MAPKAP1: variants seen among roughly 807,000 people sequenced by gnomAD.
The protein encoded by MAPKAP1 is target of rapamycin complex 2 subunit MAPKAP1.
A neutral mutation model predicts 65.7 loss-of-function variants in MAPKAP1; 20 were observed. The ratio of observed to expected loss-of-function variants is 0.30; its 90% confidence interval spans 0.21 to 0.44. The LOEUF is 0.44. Ranked by LOEUF, MAPKAP1 falls within the 20% of genes least tolerant of loss-of-function variation. The pLI, the probability that MAPKAP1 is intolerant of heterozygous loss-of-function variation, is 1.00. For missense variants in MAPKAP1, 423 were observed against 648.0 expected (o/e 0.65, Z 3.77); for synonymous variants, 222 against 244.3 (o/e 0.91, Z 0.85).
At chr9:125,493,895 C>G (rs569586575) in intron 8 of MAPKAP1, among the ~76,000 whole-genome samples, 1 of 152,242 alleles carries the variant, frequency 6.6e-6, no homozygotes, top group Non-Finnish European at 1.5e-5. Context: ...GAGCTAGGAA[C>G]TGAACCCAGG....
At chr9:125,636,422 T>C (rs367988201) in intron 4 of MAPKAP1, among the ~76,000 whole-genome samples, 64 of 152,172 alleles carry the variant, frequency 4.2e-4, no homozygotes, top group African/African-American at 1.4e-3. Flanking sequence ...CAAGATACAA[T>C]AGAGACAAAT....
intron 1 of MAPKAP1, among the ~76,000 whole-genome samples, chr9:125,698,296 T>TATATATATATATAAA (rs1564622385): frequency 3.9e-3 from 39 of 10,062 alleles, no homozygotes; most frequent in African/African-American, 0.016. Flanking sequence ...TAAATATATA[T>TATATATATATATAAA]ATATATATAT....
At chr9:125,652,841 C>T (rs1833930821) in intron 4 of MAPKAP1, among the ~76,000 whole-genome samples, 1 of 152,158 alleles carries the variant, frequency 6.6e-6, no homozygotes, top group South Asian at 2.1e-4. Flanking sequence ...CACTGGACTC[C>T]CTGAACTTCA....
chr9:125,664,451 G>A (rs941173569), intron 3 of MAPKAP1, among the ~76,000 whole-genome samples: 2 of 151,864 alleles, frequency 1.3e-5, no homozygotes, highest in Non-Finnish European at 2.9e-5. Context: ...TAGGCTGGGT[G>A]TGGTGGCTCA....
At position 125,437,965 on chromosome 9, in the gene MAPKAP1, G is replaced by A. The variant is rs530789619; in HGVS notation, c.*922C>T. 8 of 160,676 alleles carry A rather than the reference G, an allele frequency of 5.0e-5. No homozygotes were observed. Among genetic ancestry groups the A allele is most frequent in the African/African-American group, 1.4e-4 (6 of 41,980 alleles). 10.0% of individuals were successfully genotyped at this position (160,676 alleles called of 1,614,324 possible). A position where few individuals can be genotyped will look rare whatever the true frequency, so the allele number is the denominator to read the frequency against. On this transcript the variant is annotated 3_prime_UTR_variant, in exon 12 of 12. Coordinates refer to ENST00000265960, the MANE Select transcript of MAPKAP1 (RefSeq NM_001006617.3). ...GAAACGTGAGAAACAGCAGCTTTCC[G>A]CCTGCTTGAAAAAGGAGGCAGGCGC...
intron 6 of MAPKAP1, among the ~76,000 whole-genome samples, chr9:125,558,238 C>A (rs756766459): frequency 3.3e-5 from 5 of 152,092 alleles, no homozygotes; most frequent in African/African-American, 1.2e-4. Flanking sequence ...CATATACACA[C>A]GATTATTATA....
chr9:125,668,910 G>A (rs999993307), intron 3 of MAPKAP1, among the ~76,000 whole-genome samples: 43 of 151,594 alleles, frequency 2.8e-4, no homozygotes, highest in African/African-American at 9.7e-4. Flanking sequence ...GGGGCTGGGC[G>A]CAGTGGCTCA....
At chr9:125,448,135 T>C (rs1364829121) in intron 10 of MAPKAP1, among the ~76,000 whole-genome samples, 58 of 152,116 alleles carry the variant, frequency 3.8e-4, no homozygotes, top group Admixed American at 3.8e-3. Flanking sequence ...GCAGTTCCCG[T>C]AGTCAGCCAG....
intron 11 of MAPKAP1, among the ~76,000 whole-genome samples, chr9:125,441,283 A>G (rs1852471583): frequency 6.6e-6 from 1 of 152,204 alleles, no homozygotes; most frequent in Admixed American, 6.5e-5. Context: ...GGGACCACCC[A>G]TGGCTTAGCT....
At chr9:125,544,357 A>G (rs1830360186) in intron 6 of MAPKAP1, among the ~76,000 whole-genome samples, 1 of 152,134 alleles carries the variant, frequency 6.6e-6, no homozygotes, top group South Asian at 2.1e-4. Flanking sequence ...GAATGATTTA[A>G]TCTTAGTCCT....
Position 125,591,230 on chromosome 9 carries a change from C to T in MAPKAP1, c.499-5503G>A, listed in dbSNP as rs143362376. Among the ~76,000 whole-genome samples, 884 of 152,312 alleles carry T rather than the reference C, an allele frequency of 5.8e-3. 5 individuals carry two copies. The highest frequency in any genetic ancestry group is 9.4e-3 in the Non-Finnish European group (642 of 68,022). On this transcript the variant is annotated intron_variant, in intron 4 of 11. Coordinates refer to ENST00000265960, the MANE Select transcript of MAPKAP1 (RefSeq NM_001006617.3). ...AACACCAACGCCTTCTTTCCCTGGA[C>T]TTACTCTAAATGTAATCAATTCCTA...
chr9:125,472,494 C>T (rs1007252970), intron 9 of MAPKAP1, among the ~76,000 whole-genome samples: 2 of 152,132 alleles, frequency 1.3e-5, no homozygotes, highest in African/African-American at 2.4e-5. Flanking sequence ...TTCTGACCAC[C>T]GAGCATAGTT....
At chr9:125,564,640 T>C (rs1048371650) in intron 5 of MAPKAP1, among the ~76,000 whole-genome samples, 4 of 152,098 alleles carry the variant, frequency 2.6e-5, no homozygotes, top group Non-Finnish European at 5.9e-5. Context: ...TCTGGAATTA[T>C]GAAGGAAGTA....
chr9:125,640,783 G>T (rs1013661733), intron 4 of MAPKAP1, among the ~76,000 whole-genome samples: 12 of 152,220 alleles, frequency 7.9e-5, no homozygotes, highest in Non-Finnish European at 1.6e-4. Context: ...TGGTCTCTGA[G>T]TTGAGTACTC....
intron 4 of MAPKAP1, among the ~76,000 whole-genome samples, chr9:125,616,870 T>A (rs1307729329): frequency 6.6e-6 from 1 of 152,218 alleles, no homozygotes; most frequent in African/African-American, 2.4e-5. Flanking sequence ...AGGAAATCAA[T>A]TTAGCCAATT....
chr9:125,642,691 T>C (rs1442091164), intron 4 of MAPKAP1, among the ~76,000 whole-genome samples: 2 of 152,192 alleles, frequency 1.3e-5, no homozygotes, highest in Admixed American at 6.5e-5. Flanking sequence ...CCCTTGCACA[T>C]GCAGGAGTAT....
At chr9:125,644,591 C>G (rs975530911) in intron 4 of MAPKAP1, among the ~76,000 whole-genome samples, 1 of 152,200 alleles carries the variant, frequency 6.6e-6, no homozygotes, top group African/African-American at 2.4e-5. Flanking sequence ...ATTACCATTT[C>G]TCTTTTAATA....
chr9:125,585,160 A>G (rs1589313165), intron 5 of MAPKAP1, among the ~76,000 whole-genome samples: 1 of 152,136 alleles, frequency 6.6e-6, no homozygotes, highest in African/African-American at 2.4e-5. Context: ...AATGAGGATC[A>G]TTACCCTCAC....
intron 4 of MAPKAP1, among the ~76,000 whole-genome samples, chr9:125,613,989 G>A (rs1375336669): frequency 3.9e-5 from 6 of 151,954 alleles, no homozygotes; most frequent in African/African-American, 1.2e-4. Context: ...TAATAGAGAC[G>A]GGGTTTCACC....
Sources: allele counts gnomAD v4.1 joint callset (sites outside exome capture counted in the v4.1 genomes callset), GRCh38; gene constraint gnomAD v4.1.1; transcripts MANE v1.5; gene names NCBI Gene and HGNC (gene_info 2026-07-23, HGNC 2026-07-21).